Variants in ZEB2 observed in about 807,000 individuals in gnomAD.
ZEB2 encodes the protein zinc finger E-box-binding homeobox 2.
A neutral mutation model predicts 99.9 loss-of-function variants in ZEB2; 6 were observed. The observed-to-expected ratio is 0.06, with a 90% confidence interval of 0.03 to 0.12. The LOEUF is 0.12. Ranked by LOEUF, ZEB2 falls within the 10% of genes least tolerant of loss-of-function variation. ZEB2 has a pLI of 1.00. For synonymous variants in ZEB2, 517 were observed against 542.5 expected, an observed-to-expected ratio of 0.95 and a Z score of 0.65; for missense variants, 969 against 1,502.8, an observed-to-expected ratio of 0.64 and a Z score of 5.87.
Position 144,388,971 on chromosome 2 carries a change from G to C in ZEB2, c.*480C>G. Reference sequence around the variant, plus strand: ...ATGGGAAATTGATGAATAGCGAAAGGAAAGTACAGAGGAATCATAATACTG... The same window carrying C: ...ATGGGAAATTGATGAATAGCGAAAGCAAAGTACAGAGGAATCATAATACTG... On this transcript the variant is annotated 3_prime_UTR_variant, in exon 10 of 10. Coordinates refer to ENST00000627532, the MANE Select transcript of ZEB2 (RefSeq NM_014795.4). The surrounding 1 kb of genome is among the most constrained non-coding windows in gnomAD (Gnocchi z 5.4). The C allele has an allele frequency of 4.4e-6, 2 of 450,372 alleles. No homozygotes were observed. Among genetic ancestry groups the C allele is most frequent in the African/African-American group, 2.1e-5 (1 of 48,754 alleles). 27.9% of individuals were successfully genotyped at this position (450,372 alleles called of 1,614,324 possible).
At chr2:144,482,218 T>A (rs1704523058) in intron 2 of ZEB2, 1 of 152,240 alleles carries the variant, frequency 6.6e-6, no homozygotes, top group Non-Finnish European at 1.5e-5. Flanking sequence ...TCTTTTTATT[T>A]GCAGGTTCCC....
chr2:144,484,184 T>TC lies in ZEB2; in HGVS notation c.73+33093_73+33094insG, dbSNP rs1361308154. 5.5e-4 allele frequency among the ~76,000 whole-genome samples: 77 copies of TC among 139,776 alleles called. 1 individual carries two copies. Among genetic ancestry groups the TC allele is most frequent in the Non-Finnish European group, 1.0e-3 (69 of 66,140 alleles). 91.7% of individuals were successfully genotyped at this position (139,776 alleles called of 152,430 possible). Reference sequence around the variant, plus strand: ...TCTCCAGGGGAGCTGGAAATCTGGATTTGTGTGTGTGTGTGTGTGTGTGTG... The same window carrying TC: ...TCTCCAGGGGAGCTGGAAATCTGGATCTTGTGTGTGTGTGTGTGTGTGTGTG... On this transcript the variant is annotated intron_variant, in intron 2 of 9. Transcript: ENST00000627532.
Position 144,388,536 on chromosome 2 carries a change from C to T in ZEB2, c.*915G>A, listed in dbSNP as rs1157135014. 1 of 153,832 alleles carries T rather than the reference C, an allele frequency of 6.5e-6. No individual in the cohort carries two copies. Among genetic ancestry groups the T allele is most frequent in the African/African-American group, 2.4e-5 (1 of 41,408 alleles). 9.5% of individuals were successfully genotyped at this position (153,832 alleles called of 1,614,324 possible). ...AAAAAAAATTTTTTTGTTGCAAAAA[C>T]AGTTTGGTGTAATACTGACAAAATT... On this transcript the variant is annotated 3_prime_UTR_variant, in exon 10 of 10. Coordinates refer to ENST00000627532, the MANE Select transcript of ZEB2 (RefSeq NM_014795.4). The surrounding 1 kb of genome is among the most constrained non-coding windows in gnomAD (Gnocchi z 5.4).
At chr2:144,473,737 G>A (rs1224158200) in intron 2 of ZEB2, among the ~76,000 whole-genome samples, 2 of 152,126 alleles carry the variant, frequency 1.3e-5, no homozygotes, top group Non-Finnish European at 2.9e-5. Flanking sequence ...AACATGTAGC[G>A]TGGAGGAGAG....
chr2:144,464,096 A>G (rs1704237997), intron 2 of ZEB2: 1 of 152,156 alleles, frequency 6.6e-6, no homozygotes, highest in Non-Finnish European at 1.5e-5. Context: ...TGTGTTTAGC[A>G]TCTGGTGGAA....
intron 7 of ZEB2, 44 bp downstream of exon 7, chr2:144,401,155 T>C (rs764475553): frequency 6.4e-7 from 1 of 1,552,886 alleles, no homozygotes; most frequent in South Asian, 1.1e-5. Flanking sequence ...ACTCCCCTAA[T>C]TAAGTAAAAT....
intron 2 of ZEB2, chr2:144,504,073 C>T (rs1308908870): frequency 4.4e-5 from 4 of 90,346 alleles, no homozygotes; most frequent in Non-Finnish European, 8.1e-5. Context: ...TACAAGTTAA[C>T]AATTAGAAAA....
At chr2:144,488,302 G>T (rs1704627721) in intron 2 of ZEB2, among the ~76,000 whole-genome samples, 1 of 152,202 alleles carries the variant, frequency 6.6e-6, no homozygotes, top group South Asian at 2.1e-4. Context: ...GAGCAAGTGA[G>T]CTAAGGAAGT....
At chr2:144,497,783 G>C (rs2149922879) in intron 2 of ZEB2, 1 of 156,962 alleles carries the variant, frequency 6.4e-6, no homozygotes, top group South Asian at 2.1e-4. Context: ...GTACAGAGAT[G>C]ATACTTGGTG....
chr2:144,434,925 AAT>A (rs1435357368), intron 2 of ZEB2, among the ~76,000 whole-genome samples: 4 of 152,184 alleles, frequency 2.6e-5, no homozygotes, highest in Non-Finnish European at 4.4e-5. Context: ...AATGAGTAAA[AAT>A]CATGATAATG....
intron 6 of ZEB2, among the ~76,000 whole-genome samples, chr2:144,402,089 G>A (rs528208169): frequency 1.1e-4 from 17 of 151,798 alleles, no homozygotes; most frequent in African/African-American, 4.1e-4. Flanking sequence ...TAGGGAGTAG[G>A]GACAAAAAAG....
chr2:144,390,071 A>G, intron 9 of ZEB2, 43 bp from the exon 10 acceptor site: 4 of 1,590,070 alleles, frequency 2.5e-6, no homozygotes, highest in Non-Finnish European at 3.4e-6. Flanking sequence ...GTGTCTTTGC[A>G]TGAAGTCTCT....
At chr2:144,444,784 A>C (rs1703961437) in intron 2 of ZEB2, 1 of 152,238 alleles carries the variant, frequency 6.6e-6, no homozygotes, top group Non-Finnish European at 1.5e-5. Flanking sequence ...CCACAAACCA[A>C]CAGGGATTCC....
At chr2:144,498,419 G>A (rs190865747) in intron 2 of ZEB2, among the ~76,000 whole-genome samples, 7 of 151,642 alleles carry the variant, frequency 4.6e-5, no homozygotes, top group Admixed American at 1.3e-4. Context: ...ATGTGGTTGC[G>A]GATCTTATGT....
chr2:144,431,394 G>C (rs991825285), intron 2 of ZEB2, among the ~76,000 whole-genome samples: 1 of 151,820 alleles, frequency 6.6e-6, no homozygotes, highest in African/African-American at 2.4e-5. Flanking sequence ...AAAAGAGAGA[G>C]ATTTTTTTTT....
chr2:144,393,830 T>C (rs189799804), intron 9 of ZEB2, among the ~76,000 whole-genome samples: 166 of 152,364 alleles, frequency 1.1e-3, no homozygotes, highest in Non-Finnish European at 1.7e-3. Context: ...TAGCATCTTG[T>C]TGCTAGGCAA....
chr2:144,452,425 G>A (rs948563837), intron 2 of ZEB2, among the ~76,000 whole-genome samples: 3 of 152,136 alleles, frequency 2.0e-5, no homozygotes, highest in African/African-American at 7.2e-5. Flanking sequence ...AACAAATAGT[G>A]ATGCAGCACA....
At chr2:144,504,084 A>AC (rs1414078487) in intron 2 of ZEB2, 12 of 119,528 alleles carry the variant, frequency 1.0e-4, no homozygotes, top group Non-Finnish European at 1.6e-4. Context: ...AATTAGAAAA[A>AC]AAAAAAAAAA....
intron 4 of ZEB2, among the ~76,000 whole-genome samples, chr2:144,411,991 C>T (rs371438074): frequency 5.3e-5 from 8 of 152,202 alleles, no homozygotes; most frequent in African/African-American, 1.9e-4. Flanking sequence ...CAAGATAGGC[C>T]GGGCACGGTG....
Sources: allele counts gnomAD v4.1 joint callset (sites outside exome capture counted in the v4.1 genomes callset), GRCh38; gene constraint gnomAD v4.1.1; non-coding constraint Gnocchi (gnomAD v3.1); transcripts MANE v1.5; gene names NCBI Gene and HGNC (gene_info 2026-07-23, HGNC 2026-07-21).